The following PKP4 variants were observed in gnomAD, a reference collection of about 807,000 sequenced individuals.
The protein encoded by PKP4 is plakophilin-4.
In PKP4, 90 loss-of-function variants were observed where a neutral mutation model predicts 145.1. The observed-to-expected ratio is 0.62, with a 90% CI of 0.52 to 0.74. The LOEUF (loss-of-function observed/expected upper bound fraction) is 0.74, where lower values mean the gene tolerates loss of function less well. Ranked by LOEUF, PKP4 falls within the 30% of genes least tolerant of loss-of-function variation. The probability of loss-of-function intolerance (pLI) is 0.00; values close to 1 mark genes in which losing one functional copy is unlikely to be tolerated. For missense variants in PKP4, 1,340 were observed against 1,482.7 expected (o/e 0.90, Z 1.58); for synonymous variants, 563 against 577.2 (o/e 0.98, Z 0.35).
Position 158,495,014 on chromosome 2 carries a change from C to T in PKP4, c.-6+37796C>T, listed in dbSNP as rs1253273727. Among the ~76,000 whole-genome samples the T allele has an allele frequency of 2.6e-5, 4 of 151,214 alleles. No homozygotes were observed. The South Asian group carries it at 6.3e-4, about 24-fold the overall frequency. ...CAGGCGGATCATGAGGTCAGGAGTT[C>T]GAGAGCAGCCTGGCCAACATAGTGA... On this transcript the variant is annotated intron_variant, in intron 1 of 21. Coordinates refer to ENST00000389759, the MANE Select transcript of PKP4 (RefSeq NM_003628.6).
At chr2:158,593,046 A>G (rs902984862) in intron 3 of PKP4, among the ~76,000 whole-genome samples, 10 of 152,288 alleles carry the variant, frequency 6.6e-5, no homozygotes, top group Middle Eastern at 3.4e-3. Context: ...GCTTTTATGC[A>G]GTTCTAGCAG....
chr2:158,627,340 G>A lies in PKP4; in HGVS notation c.1153+1913G>A, dbSNP rs202051813. Among the ~76,000 whole-genome samples the A allele has an allele frequency of 3.3e-4, 50 of 152,216 alleles. No individual in the cohort carries two copies. In the East Asian group the frequency reaches 9.1e-3, roughly 28 times the overall value. On this transcript the variant is annotated intron_variant, in intron 7 of 21. Coordinates refer to ENST00000389759, the MANE Select transcript of PKP4 (RefSeq NM_003628.6). ...GTAGAGAGGAGACTGGAGGAAGGAAGCCAGCATATAAATTATTGTCTCCAT... is the reference window on the plus strand; with the variant it reads ...GTAGAGAGGAGACTGGAGGAAGGAAACCAGCATATAAATTATTGTCTCCAT...
intron 2 of PKP4, among the ~76,000 whole-genome samples, chr2:158,550,662 C>G (rs542035090): frequency 3.5e-4 from 54 of 152,334 alleles, no homozygotes; most frequent in Non-Finnish European, 6.6e-4. Flanking sequence ...ACTTCTCAGA[C>G]TTAATGGAGA....
intron 1 of PKP4, among the ~76,000 whole-genome samples, chr2:158,469,192 C>G (rs1201047689): frequency 6.6e-6 from 1 of 151,974 alleles, no homozygotes; most frequent in Non-Finnish European, 1.5e-5. Context: ...TGGGTTCAAG[C>G]TATTCTCCTG....
intron 1 of PKP4, among the ~76,000 whole-genome samples, chr2:158,497,347 T>G (rs1695895270): frequency 6.6e-6 from 1 of 152,230 alleles, no homozygotes; most frequent in African/African-American, 2.4e-5. Context: ...CTTTTCCTCT[T>G]GGTTCTTTGC....
intron 12 of PKP4, 135 bp downstream of exon 12, chr2:158,658,449 A>G: frequency 1.7e-6 from 1 of 581,020 alleles, no homozygotes. Flanking sequence ...AGGCCACTGG[A>G]CTTTGTTATT....
chr2:158,638,385 A>G (rs2053991523), intron 9 of PKP4, among the ~76,000 whole-genome samples: 1 of 152,256 alleles, frequency 6.6e-6, no homozygotes, highest in Non-Finnish European at 1.5e-5. Flanking sequence ...AGTTGAGGAA[A>G]CTGAAGCTCC....
At chr2:158,577,939 T>C (rs1233309829) in intron 3 of PKP4, among the ~76,000 whole-genome samples, 2 of 152,212 alleles carry the variant, frequency 1.3e-5, no homozygotes, top group Non-Finnish European at 1.5e-5. Flanking sequence ...GTACCTCTTA[T>C]GCTATTTAAA....
In PKP4 at chr2:158,672,531, G is replaced by A. The variant is rs142334606; in HGVS notation, c.2925-1146G>A. 2.8e-3 allele frequency among the ~76,000 whole-genome samples: 428 copies of A among 152,278 alleles called. 2 individuals are homozygous for A. The highest frequency in any genetic ancestry group is 0.01 in the African/African-American group (417 of 41,560). ...ACGGGTGAACAAAGCAGCAATGGCC[G>A]GGCCCAGCTGAGAACAGGGTGGCTA... On this transcript the variant is annotated intron_variant, in intron 17 of 21. Transcript: ENST00000389759.
chr2:158,491,479 G>A (rs917159092), intron 1 of PKP4, among the ~76,000 whole-genome samples: 3 of 151,870 alleles, frequency 2.0e-5, no homozygotes, highest in African/African-American at 7.3e-5. Context: ...TCATCTGCTT[G>A]TTATCTTTTT....
chr2:158,458,735 C>T (rs1689295530), intron 1 of PKP4, among the ~76,000 whole-genome samples: 1 of 151,976 alleles, frequency 6.6e-6, no homozygotes, highest in African/African-American at 2.4e-5. Flanking sequence ...GTGTTTAGAC[C>T]TCGTATAATA....
At chr2:158,476,678 T>A (rs1406310901) in intron 1 of PKP4, among the ~76,000 whole-genome samples, 2 of 152,082 alleles carry the variant, frequency 1.3e-5, no homozygotes, top group Admixed American at 6.6e-5. Context: ...AGAGACCTGC[T>A]GTTTCAAGTT....
In PKP4 at chr2:158,640,684, G is replaced by A. The variant is rs1247242781; in HGVS notation, c.1620G>A (p.Gln540=). ...AGGTCATTCACATGCTTCAGCACCA[G>A]TTCCCATCTGTTCAGGCAAATGCAG... The part of the protein sequence containing the change: ...LPEVIHMLQH[Q]FPSVQANAAA... The change falls in exon 10 of 22, where the codon CAG becomes CAA. Residue 540 remains glutamine, a synonymous_variant. Transcript: ENST00000389759. 3 of 1,614,054 alleles carry A rather than the reference G, an allele frequency of 1.9e-6. No individual in the cohort carries two copies. The highest frequency in any genetic ancestry group is 2.5e-6 in the Non-Finnish European group (3 of 1,179,978).
chr2:158,642,458 G>A, intron 10 of PKP4, 28 bp from the exon 11 acceptor site: 1 of 1,522,554 alleles, frequency 6.6e-7, no homozygotes, highest in Non-Finnish European at 9.0e-7. Flanking sequence ...TGTTACTTAG[G>A]CCTGGTACCT....
chr2:158,487,813 G>A (rs1694388579), intron 1 of PKP4, among the ~76,000 whole-genome samples: 1 of 151,876 alleles, frequency 6.6e-6, no homozygotes, highest in Non-Finnish European at 1.5e-5. Context: ...AAGGGGGAGG[G>A]AGGGAGGAAG....
At chr2:158,511,744 AC>A (rs1372094797) in intron 1 of PKP4, among the ~76,000 whole-genome samples, 1 of 152,216 alleles carries the variant, frequency 6.6e-6, no homozygotes, top group African/African-American at 2.4e-5. Context: ...TTATTTTTGT[AC>A]AAGCTTTCAT....
intron 2 of PKP4, among the ~76,000 whole-genome samples, chr2:158,560,156 C>T (rs368648098): frequency 9.9e-5 from 15 of 152,244 alleles, no homozygotes; most frequent in African/African-American, 3.6e-4. Flanking sequence ...CGTGAGCCAC[C>T]GTGCCTGGCT....
At chr2:158,587,926 T>C (rs889583525) in intron 3 of PKP4, among the ~76,000 whole-genome samples, 7 of 147,696 alleles carry the variant, frequency 4.7e-5, no homozygotes, top group African/African-American at 1.7e-4. Context: ...TTGTGTTGCT[T>C]TTTTTTTTTA....
chr2:158,522,899 A>C (rs1306437261), intron 1 of PKP4, among the ~76,000 whole-genome samples: 1 of 152,352 alleles, frequency 6.6e-6, no homozygotes, highest in East Asian at 1.9e-4. Flanking sequence ...GGTCACTCCC[A>C]CCCGAATACT....
Sources: gnomAD v4.1 joint callset for allele counts (sites outside exome capture counted in the v4.1 genomes callset) on GRCh38, gnomAD v4.1.1 for gene constraint, MANE v1.5 for transcripts, NCBI Gene and HGNC (gene_info 2026-07-23, HGNC 2026-07-21) for gene names.